The following SUMF1 variants were observed in gnomAD, a reference collection of about 807,000 sequenced individuals.
The protein encoded by SUMF1 is formylglycine-generating enzyme.
In SUMF1, 48 loss-of-function variants were observed where a neutral mutation model predicts 47.6. That is an observed-to-expected ratio of 1.01 (90% CI 0.80 to 1.28). The LOEUF is 1.28. SUMF1 is among the 50% of genes most tolerant of loss of function. SUMF1 has a pLI of 0.00. For missense variants in SUMF1, 571 were observed against 485.4 expected (o/e 1.18, Z -1.66); for synonymous variants, 230 against 192.1 (o/e 1.20, Z -1.63).
At chr3:4,166,128 T>TA (rs1396335691) in intron 8 of SUMF1, among the ~76,000 whole-genome samples, 2 of 152,134 alleles carry the variant, frequency 1.3e-5, no homozygotes, top group Non-Finnish European at 2.9e-5. Context: ...TCTTTCCTCT[T>TA]AGACCACAAA....
downstream of SUMF1, among the ~76,000 whole-genome samples, chr3:4,360,205 C>CTTTTTTTT (rs57690047): frequency 5.8e-4 from 60 of 104,072 alleles, 1 homozygote; most frequent in East Asian, 1.1e-3. Context: ...AATGTTTGTT[C>CTTTTTTTT]TTTTTTTTTT....
chr3:4,036,460 C>T (rs1335947644), intron 9 of SUMF1, among the ~76,000 whole-genome samples: 10 of 151,926 alleles, frequency 6.6e-5, no homozygotes, highest in Admixed American at 5.9e-4. Flanking sequence ...TTTTGGAGGG[C>T]AGAGGCCAAA....
intron 7 of SUMF1, among the ~76,000 whole-genome samples, chr3:4,386,112 T>C (rs62257914): frequency 0.2 from 29,999 of 152,146 alleles, 3,109 homozygotes; most frequent in Middle Eastern, 0.27. Flanking sequence ...GCAATTCTAG[T>C]TCCTTTGCCT....
Position 4,295,873 on chromosome 3 carries a change from T to C in SUMF1, c.1014+80457A>G, listed in dbSNP as rs553745708. 5.3e-5 allele frequency among the ~76,000 whole-genome samples: 8 copies of C among 152,314 alleles called. No homozygotes were observed. In the South Asian group the frequency reaches 1.7e-3, roughly 32 times the overall value. On this transcript the variant is annotated intron_variant and NMD_transcript_variant, in intron 8 of 12. Coordinates refer to the SUMF1 transcript ENST00000448413. ...GATTTTATCTTTATGTTTTTTATCA[T>C]ATCAACAAGGGAAATTATGGGTTTC...
intron 8 of SUMF1, among the ~76,000 whole-genome samples, chr3:4,321,229 G>GTT (rs902656833): frequency 5.9e-5 from 9 of 152,050 alleles, no homozygotes; most frequent in African/African-American, 2.2e-4. Context: ...CTAGATTACA[G>GTT]TTAGTATATT....
chr3:4,235,586 C>T (rs940057693), intron 8 of SUMF1, among the ~76,000 whole-genome samples: 4 of 152,176 alleles, frequency 2.6e-5, no homozygotes, highest in East Asian at 1.9e-4. Context: ...AAATGCTTTA[C>T]GATATTCTGT....
intron 9 of SUMF1, among the ~76,000 whole-genome samples, chr3:4,041,083 G>GT (rs1299782158): frequency 2.0e-5 from 3 of 152,092 alleles, no homozygotes; most frequent in South Asian, 2.1e-4. Context: ...TTTTGCTTTT[G>GT]TTTTTTTGAG....
rs536485965 is a variant in SUMF1, at chr3:4,420,022, G to A, written c.602+42C>T. ...TGCAAGAGCAAAGGGTACCTATTTT[G>A]CAATGGAACTTGTCAACTGGGGAAA... On this transcript the variant is annotated intron_variant, in intron 4 of 8. Coordinates refer to ENST00000272902, the MANE Select transcript of SUMF1 (RefSeq NM_182760.4). The A allele has an allele frequency of 1.5e-5, 23 of 1,548,058 alleles. No homozygotes were observed. In the South Asian group the frequency reaches 2.5e-4, roughly 17 times the overall value.
chr3:4,394,554 T>TAA (rs1424551092), intron 7 of SUMF1, among the ~76,000 whole-genome samples: 7 of 152,234 alleles, frequency 4.6e-5, no homozygotes, highest in African/African-American at 1.7e-4. Context: ...GGATAACTGT[T>TAA]AATGTCCCAG....
At position 4,179,466 on chromosome 3, in the gene SUMF1, G is replaced by A. The variant is rs534287112; in HGVS notation, c.1015-110721C>T. Among the ~76,000 whole-genome samples, 93 of 152,248 alleles carry A rather than the reference G, an allele frequency of 6.1e-4. No homozygotes were observed. The South Asian group carries it at 0.018, about 30-fold the overall frequency. ...TTCCCTATTTAATAAATGGTGCTGG[G>A]AAAACTGGCTAGCTATACGTAGAAA... On this transcript the variant is annotated intron_variant and NMD_transcript_variant, in intron 8 of 12. Coordinates refer to the SUMF1 transcript ENST00000448413.
chr3:4,120,889 G>T (rs1375196449), intron 8 of SUMF1, among the ~76,000 whole-genome samples: 1 of 152,182 alleles, frequency 6.6e-6, no homozygotes, highest in African/African-American at 2.4e-5. Context: ...AAAATCCCAT[G>T]AATTTCTATT....
At chr3:4,178,235 C>CA (rs1378542862) in intron 8 of SUMF1, among the ~76,000 whole-genome samples, 7 of 151,994 alleles carry the variant, frequency 4.6e-5, no homozygotes, top group South Asian at 2.1e-4. Flanking sequence ...AGAGACACAA[C>CA]AAAAAAAGAG....
At position 4,230,620 on chromosome 3, in the gene SUMF1, G is replaced by A. The variant is rs563933552; in HGVS notation, c.1014+145710C>T. 3.4e-4 allele frequency among the ~76,000 whole-genome samples: 51 copies of A among 152,202 alleles called. 1 individual carries two copies. The South Asian group carries it at 4.6e-3, about 14-fold the overall frequency. On this transcript the variant is annotated intron_variant and NMD_transcript_variant, in intron 8 of 12. Coordinates refer to the SUMF1 transcript ENST00000448413. ...TTCACCAAACTGGAAGTTCTCCAGA[G>A]GATTCATAACCTAGGTATGACTGAT... is the stretch of plus-strand genomic sequence containing the variant.
rs1349090916 is a variant in SUMF1, at chr3:4,140,065, C to T, written c.1015-71320G>A. 3.3e-5 allele frequency among the ~76,000 whole-genome samples: 5 copies of T among 152,128 alleles called. No homozygotes were observed. In the East Asian group the frequency reaches 5.8e-4, roughly 18 times the overall value. On this transcript the variant is annotated intron_variant and NMD_transcript_variant, in intron 8 of 12. Transcript: ENST00000448413. Reference sequence around the variant, plus strand: ...TCAACTCTTCCTACACCACTGTTCTCGCCTAACTCAAAACTCTTGGCTCTC... The same window carrying T: ...TCAACTCTTCCTACACCACTGTTCTTGCCTAACTCAAAACTCTTGGCTCTC...
chr3:4,278,085 C>G (rs1028650239), intron 8 of SUMF1, among the ~76,000 whole-genome samples: 3 of 151,974 alleles, frequency 2.0e-5, no homozygotes, highest in Admixed American at 6.6e-5. Flanking sequence ...ATTGAACACC[C>G]AGATTTGTTT....
intron 8 of SUMF1, among the ~76,000 whole-genome samples, chr3:4,137,914 TACACAC>T (rs61300596): frequency 1.5e-4 from 21 of 142,020 alleles, no homozygotes. Flanking sequence ...ACACTAATAA[TACACAC>T]ACACACACAC....
chr3:4,316,484 A>T, intron 8 of SUMF1: 1 of 1,602,924 alleles, frequency 6.2e-7, no homozygotes, highest in Non-Finnish European at 8.5e-7. Context: ...CTACACGAGA[A>T]GTTGCTGAAG....
In SUMF1 at chr3:4,102,475, G is replaced by A. The variant is rs551507220; in HGVS notation, c.1015-33730C>T. Among the ~76,000 whole-genome samples the A allele has an allele frequency of 4.4e-4, 67 of 152,124 alleles. 1 individual carries two copies. The South Asian group carries it at 0.012, about 28-fold the overall frequency. On this transcript the variant is annotated intron_variant and NMD_transcript_variant, in intron 8 of 12. Transcript: ENST00000448413. ...GTCCAGTCTTCCTTTGCCTTCATCC[G>A]CTCCTCACTTAGTCAGTAGTGAGGG...
chr3:4,367,779 C>T (rs1422042583), intron 8 of SUMF1, among the ~76,000 whole-genome samples: 2 of 151,662 alleles, frequency 1.3e-5, no homozygotes, highest in African/African-American at 2.4e-5. Context: ...ACCTGGCTAG[C>T]CATATGTAGA....
Sources: allele counts gnomAD v4.1 joint callset (sites outside exome capture counted in the v4.1 genomes callset), GRCh38; gene constraint gnomAD v4.1.1; transcripts MANE v1.5; gene names NCBI Gene and HGNC (gene_info 2026-07-23, HGNC 2026-07-21).